Variants in MINAR1 observed in about 807,000 individuals in gnomAD.
MINAR1 encodes the protein membrane integral NOTCH2 associated receptor 1, also known as major intrinsically disordered Notch2-binding receptor 1.
A neutral mutation model predicts 65.1 loss-of-function variants in MINAR1; 40 were observed. The observed-to-expected ratio is 0.61, with a 90% CI of 0.48 to 0.80. MINAR1 has a LOEUF of 0.80. Among genes scored for constraint, MINAR1 ranks in the 30% least tolerant of loss-of-function variants. The pLI is 0.00. For synonymous variants in MINAR1, 482 were observed against 449.1 expected, an observed-to-expected ratio of 1.07 and a Z score of -0.93; for missense variants, 1,128 against 1,148.0, an observed-to-expected ratio of 0.98 and a Z score of 0.25.
At position 79,456,953 on chromosome 15, in the gene MINAR1, C is replaced by T; in HGVS notation, c.806C>T (p.Ala269Val). ...AAAGAGGATTTTCACAATTTGATGG[C>T]AGTGTCCCCCAGTTTGGTTGGCCCC... ...IFKEDFHNLMAVSPSLVGPIS... is the reference protein window; with the variant it reads ...IFKEDFHNLMVVSPSLVGPIS... The change falls in exon 2 of 4, where the codon GCA (alanine) becomes GTA (valine). Residue 269 changes from alanine (A) to valine (V), a missense_variant. Coordinates refer to ENST00000305428, the MANE Select transcript of MINAR1 (RefSeq NM_015206.3). The T allele has an allele frequency of 1.9e-6, 3 of 1,614,124 alleles. No homozygotes were observed. The highest frequency in any genetic ancestry group is 2.5e-6 in the Non-Finnish European group (3 of 1,180,008).
rs61740913 is a variant in MINAR1 at position 79,457,617 on chromosome 15, G to A, written c.1470G>A (p.Leu490=). 3,749 of 1,614,146 alleles carry A rather than the reference G, an allele frequency of 2.3e-3. 75 individuals are homozygous for A. In the African/African-American group the frequency reaches 0.043, roughly 19 times the overall value. ...HVLEPKKCRD[L]CTSGQGKYSD... ...TGGAGCCCAAGAAATGCAGAGACCT[G>A]TGCACCTCTGGTCAGGGCAAGTACA... is the stretch of plus-strand genomic sequence containing the variant. Residue 490 remains leucine (L), a synonymous_variant, in exon 2 of 4, where the codon CTG becomes CTA. Coordinates refer to ENST00000305428, the MANE Select transcript of MINAR1 (RefSeq NM_015206.3).
intron 1 of MINAR1, among the ~76,000 whole-genome samples, chr15:79,442,201 C>T (rs1048187272): frequency 3.3e-5 from 5 of 151,786 alleles, no homozygotes; most frequent in African/African-American, 1.2e-4. Flanking sequence ...AATCTTGACT[C>T]GAATTTTCTG....
chr15:79,457,128 G>A lies in MINAR1; in HGVS notation c.981G>A (p.Lys327=), dbSNP rs1248579545. The A allele has an allele frequency of 5.0e-6, 8 of 1,614,046 alleles. No homozygotes were observed. The highest frequency in any genetic ancestry group is 6.8e-6 in the Non-Finnish European group (8 of 1,180,040). ...CGGTTCCTGACAAAAGGCGAGCAAA[G>A]CACGAAAGCTTAGATGACCTTCAAG... is the stretch of plus-strand genomic sequence containing the variant. ...YSPVPDKRRA[K]HESLDDLQAS... The change falls in exon 2 of 4, where the codon AAG becomes AAA. Residue 327 remains lysine (K), a synonymous_variant. Coordinates refer to ENST00000305428, the MANE Select transcript of MINAR1 (RefSeq NM_015206.3).
upstream of MINAR1, chr15:79,427,548 C>T (rs1894342465): frequency 6.6e-6 from 1 of 152,192 alleles, no homozygotes; most frequent in Non-Finnish European, 1.5e-5. Flanking sequence ...CTATATTCCA[C>T]TTCACTCCAA....
the MINAR1 span, chr15:79,424,929 C>T: frequency 1.3e-5 from 2 of 152,148 alleles, no homozygotes; most frequent in African/African-American, 2.4e-5. Flanking sequence ...ATGCAAGTTT[C>T]AACACTCATG....
At chr15:79,443,376 A>C (rs1030551028) in intron 1 of MINAR1, among the ~76,000 whole-genome samples, 4 of 152,192 alleles carry the variant, frequency 2.6e-5, no homozygotes, top group Non-Finnish European at 5.9e-5. Context: ...AGAAACTTGC[A>C]GTTTGGCCAT....
intron 1 of MINAR1, among the ~76,000 whole-genome samples, chr15:79,455,312 T>C (rs1046631386): frequency 6.6e-6 from 1 of 152,244 alleles, no homozygotes; most frequent in Admixed American, 6.5e-5. Context: ...CATTATGATC[T>C]TATACAGATT....
At chr15:79,443,148 TAGAAAC>T (rs530417499) in intron 1 of MINAR1, among the ~76,000 whole-genome samples, 6 of 152,300 alleles carry the variant, frequency 3.9e-5, no homozygotes, top group Admixed American at 6.5e-5. Flanking sequence ...GAGCTGCACT[TAGAAAC>T]AGAGGGAACA....
upstream of MINAR1, among the ~76,000 whole-genome samples, chr15:79,428,859 A>G (rs574948573): frequency 2.0e-5 from 3 of 152,276 alleles, no homozygotes; most frequent in South Asian, 6.2e-4. Context: ...GTCAGTGGTC[A>G]CAGTCTTCTC....
At chr15:79,419,139 G>A in the MINAR1 span, 2 of 152,256 alleles carry the variant, frequency 1.3e-5, no homozygotes, top group Non-Finnish European at 2.9e-5. Context: ...AGCTATTGTG[G>A]GGATGGGGAG....
rs1254527270 is a variant in MINAR1, at chr15:79,468,570, AG to A, written c.*187del. On this transcript the variant is annotated 3_prime_UTR_variant, in exon 4 of 4. Transcript: ENST00000305428. ...CTAGTGAGAAATCTACCTACCTATTAGCTTTGACTCAATTACACTCTGACGC... is the reference window on the plus strand; with the variant it reads ...CTAGTGAGAAATCTACCTACCTATTACTTTGACTCAATTACACTCTGACGC... 6 of 602,030 alleles carry A rather than the reference AG, an allele frequency of 1.0e-5. No homozygotes were observed. The highest frequency in any genetic ancestry group is 1.5e-5 in the Non-Finnish European group (5 of 343,948). The allele number at this position is 602,030 out of a possible 1,614,324, so 37.3% of individuals were successfully genotyped here.
At chr15:79,412,212 T>TA in the MINAR1 span, 1 of 151,614 alleles carries the variant, frequency 6.6e-6, no homozygotes, top group Non-Finnish European at 1.5e-5. Flanking sequence ...CCCATGGCCA[T>TA]CCCCCCCAAT....
chr15:79,454,737 TAAA>T (rs56143323), intron 1 of MINAR1, among the ~76,000 whole-genome samples: 2 of 151,434 alleles, frequency 1.3e-5, no homozygotes, highest in Non-Finnish European at 2.9e-5. Flanking sequence ...AGATGGGAAA[TAAA>T]AAAAAACCTA....
Position 79,456,169 on chromosome 15 carries a change from TC to T in MINAR1, c.25del (p.Leu9SerfsTer4). On this transcript the variant is annotated frameshift_variant, in exon 2 of 4. Coordinates refer to ENST00000305428, the MANE Select transcript of MINAR1 (RefSeq NM_015206.3). LOFTEE classifies it high-confidence loss of function. METSQET[S>X]LFLVKILEEL... is the part of the protein sequence containing the mutation. ...AATCATGGAGACCAGTCAGGAAACT[TC>T]CCTCTTCTTGGTGAAGATCTTGGAG... 1 of 1,613,596 alleles carries T rather than the reference TC, an allele frequency of 6.2e-7. No individual in the cohort carries two copies. Among genetic ancestry groups the T allele is most frequent in the Non-Finnish European group, 8.5e-7 (1 of 1,179,594 alleles).
chr15:79,468,507 A>G lies in MINAR1; in HGVS notation c.*123A>G. 1.1e-6 allele frequency: 1 copy of G among 889,922 alleles called. No individual in the cohort carries two copies. The highest frequency in any genetic ancestry group is 2.7e-5 in the Admixed American group (1 of 36,622). The allele number at this position is 889,922 out of a possible 1,614,324, so 55.1% of individuals were successfully genotyped here. On this transcript the variant is annotated 3_prime_UTR_variant, in exon 4 of 4. Transcript: ENST00000305428. ...GATGAAATCATGGAGGCATTTCTAC[A>G]AATGTTGAATGAAGGTGGTTTTCAG...
chr15:79,419,699 A>G, the MINAR1 span: 1 of 152,370 alleles, frequency 6.6e-6, no homozygotes, highest in East Asian at 1.9e-4. Flanking sequence ...AAAATGTTCA[A>G]TAAACGAGCT....
chr15:79,416,729 C>T, the MINAR1 span: 2 of 152,178 alleles, frequency 1.3e-5, no homozygotes, highest in African/African-American at 4.8e-5. Flanking sequence ...CACAAATTCA[C>T]AGCAGTCAGC....
chr15:79,454,039 T>C (rs1220790730), intron 1 of MINAR1, among the ~76,000 whole-genome samples: 1 of 152,232 alleles, frequency 6.6e-6, no homozygotes, highest in Non-Finnish European at 1.5e-5. Flanking sequence ...TGCTCTGATA[T>C]CTACACCCAT....
chr15:79,462,931 A>G (rs554481757), intron 2 of MINAR1, 136 bp from the exon 3 acceptor site: 21 of 867,452 alleles, frequency 2.4e-5, no homozygotes, highest in Non-Finnish European at 3.0e-5. Flanking sequence ...TTATGCTTTC[A>G]TACTTTTGAT....
Sources: allele counts gnomAD v4.1 joint callset (sites outside exome capture counted in the v4.1 genomes callset), GRCh38; gene constraint gnomAD v4.1.1; transcripts MANE v1.5; gene names NCBI Gene and HGNC (gene_info 2026-07-23, HGNC 2026-07-21).